The following CNBD1 variants were observed in gnomAD, a reference collection of about 807,000 sequenced individuals.
The protein encoded by CNBD1 is cyclic nucleotide-binding domain-containing protein 1.
CNBD1 carries 71 observed loss-of-function variants against 54.4 expected under a neutral mutation model. The observed-to-expected ratio is 1.30, with a 90% confidence interval of 1.08 to 1.59. CNBD1 has a LOEUF of 1.59. CNBD1 is among the 40% of genes most tolerant of loss of function. The pLI, the probability that CNBD1 is intolerant of heterozygous loss-of-function variation, is 0.00. For missense variants in CNBD1, 659 were observed against 518.0 expected, an observed-to-expected ratio of 1.27 and a Z score of -2.64; for synonymous variants, 182 against 170.7, an observed-to-expected ratio of 1.07 and a Z score of -0.51.
intron 4 of CNBD1, among the ~76,000 whole-genome samples, chr8:86,985,402 C>A (rs1307734593): frequency 6.6e-6 from 1 of 152,144 alleles, no homozygotes; most frequent in Non-Finnish European, 1.5e-5. Flanking sequence ...CTTCCTCCTG[C>A]CTAGTAGCTG....
At position 87,233,142 on chromosome 8, in the gene CNBD1, C is replaced by T. The variant is rs187371977; in HGVS notation, c.578-3777C>T. Among the ~76,000 whole-genome samples the T allele has an allele frequency of 2.6e-3, 399 of 152,162 alleles. 2 individuals are homozygous for T. Among genetic ancestry groups the T allele is most frequent in the African/African-American group, 8.9e-3 (371 of 41,514 alleles). ...TCAATGAATAATTGACAAAATAATA[C>T]GTTTAAAATACATGTAGATAACTTA... On this transcript the variant is annotated intron_variant, in intron 5 of 10. Coordinates refer to ENST00000518476, the MANE Select transcript of CNBD1 (RefSeq NM_173538.3).
chr8:87,372,693 A>G (rs1258218092), intron 10 of CNBD1, among the ~76,000 whole-genome samples: 2 of 151,838 alleles, frequency 1.3e-5, no homozygotes, highest in Non-Finnish European at 2.9e-5. Context: ...TGATGCTCTT[A>G]CCTATCAATG....
chr8:87,371,890 G>A (rs1304290392), intron 10 of CNBD1, among the ~76,000 whole-genome samples: 2 of 151,832 alleles, frequency 1.3e-5, no homozygotes, highest in African/African-American at 4.8e-5. Flanking sequence ...CATACTGAAT[G>A]GGCAAAAACT....
intron 8 of CNBD1, among the ~76,000 whole-genome samples, chr8:87,309,498 C>T (rs1369942659): frequency 1.3e-5 from 2 of 152,058 alleles, no homozygotes; most frequent in Non-Finnish European, 2.9e-5. Context: ...TTTATAACTG[C>T]CTTCATATGA....
At chr8:87,202,596 G>A (rs534151597) in intron 4 of CNBD1, among the ~76,000 whole-genome samples, 31 of 152,202 alleles carry the variant, frequency 2.0e-4, no homozygotes, top group African/African-American at 6.0e-4. Flanking sequence ...ATTACGGGTC[G>A]GGTAGATTAG....
intron 10 of CNBD1, among the ~76,000 whole-genome samples, chr8:87,380,446 G>T (rs1811051140): frequency 6.6e-6 from 1 of 151,816 alleles, no homozygotes; most frequent in African/African-American, 2.4e-5. Context: ...CAAAGCAGGT[G>T]GTGTGATGTC....
intron 4 of CNBD1, among the ~76,000 whole-genome samples, chr8:86,958,795 G>A (rs569127528): frequency 6.6e-6 from 1 of 152,128 alleles, no homozygotes; most frequent in East Asian, 1.9e-4. Context: ...TTGTCAGTAT[G>A]TGTCTTTTAT....
chr8:86,870,847 CAAG>C (rs1440730066), intron 1 of CNBD1, among the ~76,000 whole-genome samples: 6 of 152,040 alleles, frequency 3.9e-5, no homozygotes, highest in African/African-American at 1.2e-4. Flanking sequence ...ATGAAAATTC[CAAG>C]AAGGAGTAAA....
chr8:87,400,421 T>C (rs1391442340), intron 2 of CNBD1, among the ~76,000 whole-genome samples: 4 of 151,866 alleles, frequency 2.6e-5, no homozygotes, highest in East Asian at 1.9e-4. Flanking sequence ...AAAGAAAAAA[T>C]CAATATTTGG....
At chr8:87,362,813 G>A (rs1428522565) in intron 10 of CNBD1, among the ~76,000 whole-genome samples, 1 of 151,984 alleles carries the variant, frequency 6.6e-6, no homozygotes, top group Non-Finnish European at 1.5e-5. Flanking sequence ...TATTAAATAG[G>A]TTATTATAGG....
chr8:87,077,237 A>G (rs1810890514), intron 4 of CNBD1, among the ~76,000 whole-genome samples: 1 of 152,134 alleles, frequency 6.6e-6, no homozygotes, highest in Admixed American at 6.5e-5. Context: ...CGACTTAAAC[A>G]ACAAACTTGT....
intron 5 of CNBD1, among the ~76,000 whole-genome samples, chr8:87,221,968 C>A (rs903052690): frequency 6.6e-6 from 1 of 151,912 alleles, no homozygotes; most frequent in Non-Finnish European, 1.5e-5. Context: ...AAAATTGGAC[C>A]TATGCAAAAT....
intron 4 of CNBD1, among the ~76,000 whole-genome samples, chr8:87,185,033 A>G (rs2072270410): frequency 6.6e-6 from 1 of 152,096 alleles, no homozygotes; most frequent in African/African-American, 2.4e-5. Context: ...GGAAATTTTC[A>G]GAGAACTTTG....
chr8:86,954,328 C>T (rs1179795423), intron 4 of CNBD1, among the ~76,000 whole-genome samples: 1 of 152,168 alleles, frequency 6.6e-6, no homozygotes, highest in Non-Finnish European at 1.5e-5. Flanking sequence ...TCTTTTATAA[C>T]ACTTCATAAG....
At chr8:86,876,564 TTTTC>T (rs1198956052) in intron 1 of CNBD1, among the ~76,000 whole-genome samples, 2 of 151,934 alleles carry the variant, frequency 1.3e-5, no homozygotes, top group Middle Eastern at 3.4e-3. Context: ...TATTCATTGC[TTTTC>T]TTTGTTTTCT....
At chr8:86,931,719 G>A (rs965683988) in intron 3 of CNBD1, among the ~76,000 whole-genome samples, 5 of 152,116 alleles carry the variant, frequency 3.3e-5, no homozygotes, top group East Asian at 3.9e-4. Flanking sequence ...CAGGGCCCAG[G>A]ACTAGCTTTC....
intron 10 of CNBD1, among the ~76,000 whole-genome samples, chr8:87,375,117 A>G (rs1745852791): frequency 6.6e-6 from 1 of 151,958 alleles, no homozygotes; most frequent in African/African-American, 2.4e-5. Context: ...CATAAAGAAG[A>G]TATACACTAT....
intron 2 of CNBD1, among the ~76,000 whole-genome samples, chr8:87,391,869 C>T (rs753429219): frequency 7.9e-5 from 12 of 152,112 alleles, no homozygotes; most frequent in Middle Eastern, 3.4e-3. Context: ...AACTTTTGTG[C>T]TGCAAATGAC....
chr8:87,090,722 TA>T (rs1394341051), intron 4 of CNBD1, among the ~76,000 whole-genome samples: 1 of 152,220 alleles, frequency 6.6e-6, no homozygotes, highest in East Asian at 1.9e-4. Context: ...TTTAAACAAT[TA>T]GATTGAGTTT....
Sources: allele counts gnomAD v4.1 joint callset (sites outside exome capture counted in the v4.1 genomes callset), GRCh38; gene constraint gnomAD v4.1.1; transcripts MANE v1.5; gene names NCBI Gene and HGNC (gene_info 2026-07-23, HGNC 2026-07-21).